The following LRMDA variants were observed in gnomAD, a reference collection of about 807,000 sequenced individuals.
LRMDA encodes the protein leucine-rich melanocyte differentiation-associated protein.
In LRMDA, 18 loss-of-function variants were observed where a neutral mutation model predicts 29.8. The ratio of observed to expected loss-of-function variants is 0.60; its 90% CI spans 0.42 to 0.90. The LOEUF (loss-of-function observed/expected upper bound fraction) is 0.90, where lower values mean the gene tolerates loss of function less well. LRMDA is among the 40% of genes least tolerant of loss of function. LRMDA has a pLI of 0.00. For missense variants in LRMDA, 273 were observed against 273.9 expected, an observed-to-expected ratio of 1.00 and a Z score of 0.02; for synonymous variants, 125 against 109.4, an observed-to-expected ratio of 1.14 and a Z score of -0.89.
intron 2 of LRMDA, among the ~76,000 whole-genome samples, chr10:75,788,344 G>C (rs1217696169): frequency 6.6e-6 from 1 of 152,208 alleles, no homozygotes; most frequent in Non-Finnish European, 1.5e-5. Flanking sequence ...AACATCTTTA[G>C]CTGTGGCTTT....
chr10:76,557,399 G>T lies in LRMDA; in HGVS notation c.*111G>T. On this transcript the variant is annotated 3_prime_UTR_variant, in exon 7 of 7. Transcript: ENST00000611255. ...AATAGCCCACATTGCCTCTCTTTGG[G>T]AAAAGCTATGACTTCAGCTTTTGGT... The T allele has an allele frequency of 1.2e-6, 1 of 862,658 alleles. No homozygotes were observed. The highest frequency in any genetic ancestry group is 1.8e-6 in the Non-Finnish European group (1 of 540,774). 53.4% of individuals were successfully genotyped at this position (862,658 alleles called of 1,614,324 possible). A position where few individuals can be genotyped will look rare whatever the true frequency, so the allele number is the denominator to read the frequency against.
intron 2 of LRMDA, among the ~76,000 whole-genome samples, chr10:75,724,252 A>G (rs1258738715): frequency 2.0e-5 from 3 of 152,338 alleles, no homozygotes; most frequent in African/African-American, 4.8e-5. Context: ...ATCTTCAACT[A>G]CATTAGTCTG....
chr10:75,446,835 T>A (rs553876289), intron 2 of LRMDA, among the ~76,000 whole-genome samples: 1 of 152,356 alleles, frequency 6.6e-6, no homozygotes, highest in Non-Finnish European at 1.5e-5. Flanking sequence ...TCCAGTGGGA[T>A]TGGGGAGAGA....
chr10:76,101,244 G>C (rs913323610), intron 5 of LRMDA, among the ~76,000 whole-genome samples: 1 of 152,160 alleles, frequency 6.6e-6, no homozygotes, highest in African/African-American at 2.4e-5. Context: ...AGAAGTGCTA[G>C]TCTGTACCTT....
chr10:75,561,327 T>A (rs1328555765), intron 2 of LRMDA, among the ~76,000 whole-genome samples: 1 of 148,958 alleles, frequency 6.7e-6, no homozygotes, highest in South Asian at 2.2e-4. Context: ...TGCGTAGAGG[T>A]GTTTGTAGTA....
At chr10:76,502,852 T>G (rs1842924553) in intron 6 of LRMDA, among the ~76,000 whole-genome samples, 1 of 151,840 alleles carries the variant, frequency 6.6e-6, no homozygotes, top group Non-Finnish European at 1.5e-5. Context: ...GATAGTTTGA[T>G]TTCTTCTTTG....
intron 2 of LRMDA, among the ~76,000 whole-genome samples, chr10:76,023,241 T>C (rs1008565657): frequency 2.6e-5 from 4 of 152,210 alleles, no homozygotes; most frequent in Non-Finnish European, 5.9e-5. Context: ...TCACAACCAA[T>C]GGTCAATTCA....
chr10:76,153,874 T>A (rs1850491682), intron 5 of LRMDA, among the ~76,000 whole-genome samples: 1 of 152,222 alleles, frequency 6.6e-6, no homozygotes, highest in South Asian at 2.1e-4. Flanking sequence ...TGACTATTCC[T>A]GAGACTTGGC....
chr10:76,314,009 A>AT (rs1450630643), intron 5 of LRMDA, among the ~76,000 whole-genome samples: 3 of 152,088 alleles, frequency 2.0e-5, no homozygotes, highest in East Asian at 3.8e-4. Flanking sequence ...TTGGAAGAAT[A>AT]TTTTTTCAAT....
At chr10:75,845,571 G>A (rs1001571646) in intron 2 of LRMDA, among the ~76,000 whole-genome samples, 19 of 152,288 alleles carry the variant, frequency 1.2e-4, no homozygotes, top group Admixed American at 6.5e-5. Flanking sequence ...ATATTCTTGC[G>A]TCTCTTTTTG....
chr10:75,853,144 T>C (rs945053161), intron 2 of LRMDA, among the ~76,000 whole-genome samples: 7 of 152,134 alleles, frequency 4.6e-5, no homozygotes, highest in African/African-American at 1.7e-4. Flanking sequence ...TTATGGGAAC[T>C]ACAGTACAAG....
intron 2 of LRMDA, among the ~76,000 whole-genome samples, chr10:75,667,596 C>A (rs1376878607): frequency 6.6e-6 from 1 of 152,202 alleles, no homozygotes; most frequent in African/African-American, 2.4e-5. Flanking sequence ...CCACTGCACC[C>A]AGGCTAGTTT....
intron 2 of LRMDA, among the ~76,000 whole-genome samples, chr10:75,592,152 G>C (rs113429983): frequency 5.9e-5 from 9 of 152,112 alleles, no homozygotes; most frequent in African/African-American, 2.2e-4. Context: ...GGGGTGCAAG[G>C]GCCCTTTGTT....
At chr10:76,118,840 CTTTT>C (rs962279433) in intron 5 of LRMDA, among the ~76,000 whole-genome samples, 1 of 45,974 alleles carries the variant, frequency 2.2e-5, no homozygotes, top group African/African-American at 7.8e-5. Context: ...TGCAAATACA[CTTTT>C]TTTTTTTTTT....
At chr10:76,196,156 T>A (rs1851328481) in intron 5 of LRMDA, among the ~76,000 whole-genome samples, 1 of 152,226 alleles carries the variant, frequency 6.6e-6, no homozygotes, top group Non-Finnish European at 1.5e-5. Flanking sequence ...CACAGCTCTG[T>A]CTGTTTTGCC....
At chr10:76,189,082 G>T (rs987636605) in intron 5 of LRMDA, among the ~76,000 whole-genome samples, 1 of 152,136 alleles carries the variant, frequency 6.6e-6, no homozygotes, top group Non-Finnish European at 1.5e-5. Context: ...ATTAGGCCAG[G>T]CGTGGTGACT....
At chr10:76,166,238 AGG>A (rs1850737935) in intron 5 of LRMDA, among the ~76,000 whole-genome samples, 1 of 152,208 alleles carries the variant, frequency 6.6e-6, no homozygotes, top group Non-Finnish European at 1.5e-5. Flanking sequence ...CCATGGACAA[AGG>A]CCTCCTTTTG....
At chr10:75,744,927 G>A (rs912246994) in intron 2 of LRMDA, among the ~76,000 whole-genome samples, 6 of 152,128 alleles carry the variant, frequency 3.9e-5, no homozygotes, top group African/African-American at 1.2e-4. Flanking sequence ...CTGTGCCAGC[G>A]TACTTTCTGT....
At chr10:76,484,553 G>A (rs1424886757) in intron 6 of LRMDA, among the ~76,000 whole-genome samples, 8 of 151,762 alleles carry the variant, frequency 5.3e-5, no homozygotes, top group Admixed American at 5.3e-4. Flanking sequence ...CAATATTTTT[G>A]AGCCATTTAA....
Sources: allele counts gnomAD v4.1 joint callset (sites outside exome capture counted in the v4.1 genomes callset), GRCh38; gene constraint gnomAD v4.1.1; transcripts MANE v1.5; gene names NCBI Gene and HGNC (gene_info 2026-07-23, HGNC 2026-07-21).